The following RIMKLB variants were observed in gnomAD, a reference collection of about 807,000 sequenced individuals.
RIMKLB encodes beta-citrylglutamate synthase B.
A neutral mutation model predicts 32.0 loss-of-function variants in RIMKLB; 7 were observed. The ratio of observed to expected loss-of-function variants is 0.22; its 90% CI spans 0.12 to 0.41. The LOEUF (loss-of-function observed/expected upper bound fraction) is 0.41. Among genes scored for constraint, RIMKLB ranks in the 10% least tolerant of loss-of-function variants. The probability of loss-of-function intolerance (pLI) is 1.00; values close to 1 mark genes in which losing one functional copy is unlikely to be tolerated. For synonymous variants in RIMKLB, 172 were observed against 185.1 expected, an observed-to-expected ratio of 0.93 and a Z score of 0.57; for missense variants, 289 against 498.7, an observed-to-expected ratio of 0.58 and a Z score of 4.00.
At chr12:8,734,087 CAG>C (rs1236149000) in intron 2 of RIMKLB, among the ~76,000 whole-genome samples, 1 of 152,048 alleles carries the variant, frequency 6.6e-6, no homozygotes, top group Non-Finnish European at 1.5e-5. Context: ...TTGGAGAACA[CAG>C]AGGAATTATC....
chr12:8,713,666 TTGAA>T (rs1377507796), intron 1 of RIMKLB, 141 bp from the exon 2 acceptor site: 4 of 559,476 alleles, frequency 7.1e-6, no homozygotes, highest in East Asian at 6.4e-5. Context: ...AAATTTTAGT[TTGAA>T]TGAAAAGGAA....
chr12:8,754,643 A>C (rs1417036563), intron 5 of RIMKLB, among the ~76,000 whole-genome samples: 1 of 152,054 alleles, frequency 6.6e-6, no homozygotes, highest in Non-Finnish European at 1.5e-5. Context: ...CCAAATTTCT[A>C]TCTCCAATTT....
intron 2 of RIMKLB, among the ~76,000 whole-genome samples, chr12:8,715,935 C>G (rs180726683): frequency 6.6e-6 from 1 of 152,280 alleles, no homozygotes; most frequent in African/African-American, 2.4e-5. Context: ...GTTCAACTTA[C>G]ACAGCTTTTT....
intron 1 of RIMKLB, among the ~76,000 whole-genome samples, chr12:8,711,545 T>C (rs1944379203): frequency 6.6e-6 from 1 of 152,046 alleles, no homozygotes; most frequent in South Asian, 2.1e-4. Flanking sequence ...TTATTATAAG[T>C]TTTAGGGTAC....
At chr12:8,771,654 A>G (rs745546082) in intron 5 of RIMKLB, among the ~76,000 whole-genome samples, 1 of 151,908 alleles carries the variant, frequency 6.6e-6, no homozygotes, top group South Asian at 2.1e-4. Flanking sequence ...TTTGTGGGTA[A>G]TTTATTCTTT....
chr12:8,721,494 A>G (rs962592808), intron 2 of RIMKLB, among the ~76,000 whole-genome samples: 3 of 152,220 alleles, frequency 2.0e-5, no homozygotes, highest in African/African-American at 7.2e-5. Flanking sequence ...CTCCATTGGA[A>G]TGACCATTTG....
intron 2 of RIMKLB, among the ~76,000 whole-genome samples, chr12:8,720,323 C>T (rs1359647266): frequency 2.6e-5 from 4 of 152,104 alleles, no homozygotes; most frequent in Admixed American, 6.5e-5. Flanking sequence ...TTAAAAGGTA[C>T]AAAGTTGGAT....
At chr12:8,686,929 T>C (rs142396498) in intron 1 of RIMKLB, among the ~76,000 whole-genome samples, 1 of 152,224 alleles carries the variant, frequency 6.6e-6, no homozygotes, top group Admixed American at 6.5e-5. Flanking sequence ...GAATCATCAA[T>C]GTATAACAAA....
the RIMKLB span, among the ~76,000 whole-genome samples, chr12:8,674,328 T>A: frequency 7.4e-6 from 1 of 135,368 alleles, no homozygotes. Context: ...AAGCTCCACC[T>A]CCCGGGCTCA....
chr12:8,773,027 A>G (rs752675956), intron 5 of RIMKLB, among the ~76,000 whole-genome samples: 2 of 152,312 alleles, frequency 1.3e-5, no homozygotes, highest in East Asian at 3.9e-4. Context: ...CCATCTATCA[A>G]GTGGTCTAAT....
At chr12:8,685,199 T>C (rs1796772259) in intron 1 of RIMKLB, among the ~76,000 whole-genome samples, 1 of 152,240 alleles carries the variant, frequency 6.6e-6, no homozygotes, top group Non-Finnish European at 1.5e-5. Flanking sequence ...AAGCCATGCT[T>C]GCCTTGGTCC....
At chr12:8,741,649 G>A (rs1452931250) in intron 2 of RIMKLB, among the ~76,000 whole-genome samples, 2 of 150,606 alleles carry the variant, frequency 1.3e-5, no homozygotes, top group Non-Finnish European at 1.5e-5. Context: ...GCGTGATGGC[G>A]GGTGCCTGTA....
At chr12:8,759,621 G>T (rs1226394112) in intron 5 of RIMKLB, among the ~76,000 whole-genome samples, 2 of 152,080 alleles carry the variant, frequency 1.3e-5, no homozygotes, top group African/African-American at 4.8e-5. Context: ...AAATTGGGCA[G>T]TTTTGTCTTT....
chr12:8,777,074 AC>A lies in RIMKLB; in HGVS notation c.*3291del. The A allele has an allele frequency of 1.0e-6, 1 of 985,882 alleles. No individual in the cohort carries two copies. Among genetic ancestry groups the A allele is most frequent in the Non-Finnish European group, 1.2e-6 (1 of 830,004 alleles). 61.1% of individuals were successfully genotyped at this position (985,882 alleles called of 1,614,324 possible). ...CTCCTAAGAAAATGTAGGTGCTCAGACAGGTAACCACTGCTGCTACTGTTTT... is the reference window on the plus strand; with the variant it reads ...CTCCTAAGAAAATGTAGGTGCTCAGAAGGTAACCACTGCTGCTACTGTTTT... On this transcript the variant is annotated 3_prime_UTR_variant, in exon 6 of 6. Coordinates refer to ENST00000535829, the MANE Select transcript of RIMKLB (RefSeq NM_001297776.2).
At chr12:8,760,393 A>G (rs753553046) in intron 5 of RIMKLB, among the ~76,000 whole-genome samples, 24 of 152,318 alleles carry the variant, frequency 1.6e-4, no homozygotes, top group South Asian at 4.1e-4. Context: ...GAATAGTGCC[A>G]CAATAAACAT....
intron 2 of RIMKLB, among the ~76,000 whole-genome samples, chr12:8,741,682 A>G (rs1004107660): frequency 2.7e-5 from 4 of 150,830 alleles, no homozygotes; most frequent in Admixed American, 2.6e-4. Flanking sequence ...CGGGAGGCTG[A>G]GGCAGGAGAA....
At chr12:8,757,610 C>G (rs926064401) in intron 5 of RIMKLB, among the ~76,000 whole-genome samples, 5 of 152,078 alleles carry the variant, frequency 3.3e-5, no homozygotes, top group African/African-American at 1.2e-4. Context: ...TCATTTTCTT[C>G]TCTCTTCCCC....
intron 1 of RIMKLB, among the ~76,000 whole-genome samples, chr12:8,709,412 A>G (rs1217380315): frequency 6.6e-6 from 1 of 152,238 alleles, no homozygotes; most frequent in Non-Finnish European, 1.5e-5. Flanking sequence ...AAATTCTGTT[A>G]AGAGGAAACA....
chr12:8,700,615 G>A (rs1423692913), intron 1 of RIMKLB: 1 of 152,224 alleles, frequency 6.6e-6, no homozygotes, highest in Non-Finnish European at 1.5e-5. Flanking sequence ...AGTAAGGAGG[G>A]TGAGTTTTAT....
Sources: gnomAD v4.1 joint callset for allele counts (sites outside exome capture counted in the v4.1 genomes callset) on GRCh38, gnomAD v4.1.1 for gene constraint, MANE v1.5 for transcripts, NCBI Gene and HGNC (gene_info 2026-07-23, HGNC 2026-07-21) for gene names.